Variants in CSMD1 observed in about 807,000 individuals in gnomAD.
CSMD1 encodes CUB and sushi domain-containing protein 1.
A neutral mutation model predicts 417.5 loss-of-function variants in CSMD1; 213 were observed. That is an observed-to-expected ratio of 0.51 (90% CI 0.46 to 0.57). The LOEUF is 0.57. Ranked by LOEUF, CSMD1 falls within the 20% of genes least tolerant of loss-of-function variation. CSMD1 has a pLI of 0.00. For missense variants in CSMD1, 6,923 were observed against 4,529.7 expected (o/e 1.53, Z -15.17); for synonymous variants, 2,862 against 1,736.8 (o/e 1.65, Z -16.11).
chr8:3,466,830 G>C (rs898550995), intron 12 of CSMD1, among the ~76,000 whole-genome samples: 2 of 152,048 alleles, frequency 1.3e-5, no homozygotes, highest in Admixed American at 6.6e-5. Flanking sequence ...TTTGCACTTT[G>C]TCTTCAACTG....
intron 2 of CSMD1, among the ~76,000 whole-genome samples, chr8:4,631,123 G>A (rs1042074897): frequency 2.6e-5 from 4 of 152,188 alleles, no homozygotes; most frequent in Non-Finnish European, 4.4e-5. Context: ...AGCACTTTGG[G>A]AGGCCGAGGC....
chr8:3,777,275 G>A (rs2129061479), intron 5 of CSMD1, among the ~76,000 whole-genome samples: 1 of 151,972 alleles, frequency 6.6e-6, no homozygotes, highest in South Asian at 2.1e-4. Flanking sequence ...TTTCTGCTTG[G>A]TGCACAGTCC....
intron 3 of CSMD1, among the ~76,000 whole-genome samples, chr8:4,038,849 T>A (rs1797746899): frequency 6.6e-6 from 1 of 152,282 alleles, no homozygotes; most frequent in South Asian, 2.1e-4. Flanking sequence ...AATTTGTACA[T>A]CAGGGCTTGA....
At chr8:3,403,581 T>G (rs1300961866) in intron 15 of CSMD1, among the ~76,000 whole-genome samples, 2 of 152,236 alleles carry the variant, frequency 1.3e-5, no homozygotes, top group Non-Finnish European at 2.9e-5. Flanking sequence ...ACACTCACCC[T>G]GCAGGTTGTA....
At chr8:4,876,343 G>A (rs1163657958) in intron 1 of CSMD1, among the ~76,000 whole-genome samples, 3 of 151,950 alleles carry the variant, frequency 2.0e-5, no homozygotes, top group African/African-American at 7.3e-5. Flanking sequence ...AAAATCTACA[G>A]GTAACAAACA....
chr8:3,624,423 A>G (rs1796397658), intron 7 of CSMD1, among the ~76,000 whole-genome samples: 1 of 152,264 alleles, frequency 6.6e-6, no homozygotes, highest in Non-Finnish European at 1.5e-5. Flanking sequence ...TAAATAAACC[A>G]ATATAAGAGC....
At chr8:4,504,507 C>G (rs1421694487) in intron 2 of CSMD1, among the ~76,000 whole-genome samples, 1 of 152,098 alleles carries the variant, frequency 6.6e-6, no homozygotes, top group Non-Finnish European at 1.5e-5. Context: ...AATACATGTG[C>G]AGAACATGCA....
intron 5 of CSMD1, among the ~76,000 whole-genome samples, chr8:3,959,835 T>G (rs1429939357): frequency 1.3e-5 from 2 of 152,206 alleles, no homozygotes; most frequent in East Asian, 1.9e-4. Flanking sequence ...CACCAAGTGA[T>G]GTAGAGAAAA....
At chr8:4,501,704 T>C (rs533524325) in intron 2 of CSMD1, among the ~76,000 whole-genome samples, 2 of 152,220 alleles carry the variant, frequency 1.3e-5, no homozygotes, top group Non-Finnish European at 2.9e-5. Flanking sequence ...TCACACTATC[T>C]ACATTAGTCA....
chr8:3,607,215 A>G (rs187766232), intron 8 of CSMD1, among the ~76,000 whole-genome samples: 247 of 152,300 alleles, frequency 1.6e-3, no homozygotes, highest in African/African-American at 5.8e-3. Flanking sequence ...CGACGTCAGG[A>G]TCATTAATAT....
chr8:4,020,086 G>C (rs1237957355), intron 4 of CSMD1, among the ~76,000 whole-genome samples: 2 of 152,086 alleles, frequency 1.3e-5, no homozygotes, highest in South Asian at 2.1e-4. Context: ...AATTATAGCA[G>C]CTGATATTTT....
chr8:3,567,985 T>G (rs1189216331), intron 10 of CSMD1, among the ~76,000 whole-genome samples: 4 of 152,204 alleles, frequency 2.6e-5, no homozygotes, highest in African/African-American at 9.6e-5. Flanking sequence ...CCAGCATTTG[T>G]GGGAATTCAT....
chr8:4,017,449 G>T (rs549713682), intron 4 of CSMD1, among the ~76,000 whole-genome samples: 1 of 152,058 alleles, frequency 6.6e-6, no homozygotes, highest in African/African-American at 2.4e-5. Context: ...TAGGATTACA[G>T]GCATGCACCA....
intron 1 of CSMD1, among the ~76,000 whole-genome samples, chr8:4,644,342 G>A (rs955163868): frequency 6.6e-6 from 1 of 152,130 alleles, no homozygotes; most frequent in Non-Finnish European, 1.5e-5. Context: ...CTCACTCAAT[G>A]CAGTATACTC....
At chr8:4,128,662 T>A (rs1317441855) in intron 3 of CSMD1, among the ~76,000 whole-genome samples, 1 of 152,076 alleles carries the variant, frequency 6.6e-6, no homozygotes, top group Non-Finnish European at 1.5e-5. Flanking sequence ...GAAATATGTC[T>A]TCTTTCTTTC....
chr8:4,592,549 G>T (rs1362843464), intron 2 of CSMD1, among the ~76,000 whole-genome samples: 2 of 151,870 alleles, frequency 1.3e-5, no homozygotes, highest in African/African-American at 2.4e-5. Flanking sequence ...ACCACGCCCA[G>T]CTAATTTTTG....
At chr8:3,621,664 C>T (rs1796247935) in intron 7 of CSMD1, among the ~76,000 whole-genome samples, 1 of 151,988 alleles carries the variant, frequency 6.6e-6, no homozygotes, top group Non-Finnish European at 1.5e-5. Flanking sequence ...ATAATCATGG[C>T]TCACTGCAGC....
intron 42 of CSMD1, among the ~76,000 whole-genome samples, chr8:3,114,215 G>A (rs529131504): frequency 1.3e-5 from 2 of 152,248 alleles, no homozygotes; most frequent in Non-Finnish European, 2.9e-5. Flanking sequence ...CTGCACTCCA[G>A]CCTGGGCAAC....
chr8:4,667,777 C>G (rs1805031133), intron 1 of CSMD1, among the ~76,000 whole-genome samples: 1 of 152,160 alleles, frequency 6.6e-6, no homozygotes, highest in Non-Finnish European at 1.5e-5. Flanking sequence ...TAGAATTTTT[C>G]TACATAGACT....
Sources: gnomAD v4.1 joint callset for allele counts (sites outside exome capture counted in the v4.1 genomes callset) on GRCh38, gnomAD v4.1.1 for gene constraint, MANE v1.5 for transcripts, NCBI Gene and HGNC (gene_info 2026-07-23, HGNC 2026-07-21) for gene names.